NTS: variants seen among roughly 807,000 people sequenced by gnomAD.
NTS encodes neurotensin, also known as neurotensin/neuromedin N.
NTS carries 20 observed loss-of-function variants against 19.5 expected under a neutral mutation model. That is an observed-to-expected ratio of 1.02 (90% confidence interval 0.72 to 1.49). The LOEUF (loss-of-function observed/expected upper bound fraction) is 1.49, where lower values mean the gene tolerates loss of function less well. NTS is among the 40% of genes most tolerant of loss of function. The pLI is 0.00. For synonymous variants in NTS, 71 were observed against 63.3 expected (o/e 1.12, Z -0.58); for missense variants, 215 against 193.1 (o/e 1.11, Z -0.67).
At chr12:85,881,658 A>T (rs1468594432) in intron 3 of NTS, among the ~76,000 whole-genome samples, 4 of 152,126 alleles carry the variant, frequency 2.6e-5, no homozygotes, top group African/African-American at 4.8e-5. Flanking sequence ...CCATATGTTG[A>T]TTTCTACAAC....
chr12:85,882,542 CAAAT>C lies in NTS; in HGVS notation c.*172_*175del, dbSNP rs919924032. ...TAATATAAATTAGACTAAGTGTTTT[CAAAT>C]AAATCTAAATCTTCAGCATGATGTG... On this transcript the variant is annotated 3_prime_UTR_variant, in exon 4 of 4. Coordinates refer to ENST00000256010, the MANE Select transcript of NTS (RefSeq NM_006183.5). 2 of 535,120 alleles carry C rather than the reference CAAAT, an allele frequency of 3.7e-6. No individual in the cohort carries two copies. The highest frequency in any genetic ancestry group is 4.0e-5 in the African/African-American group (2 of 50,382). 33.1% of individuals were successfully genotyped at this position (535,120 alleles called of 1,614,324 possible).
intron 2 of NTS, 27 bp downstream of exon 2, chr12:85,876,728 A>G: frequency 1.6e-6 from 2 of 1,270,216 alleles, no homozygotes; most frequent in Non-Finnish European, 1.1e-6. Context: ...TTTAACCCTG[A>G]GTTGAAGAAC....
At chr12:85,881,047 C>A (rs1050853585) in intron 3 of NTS, among the ~76,000 whole-genome samples, 4 of 152,054 alleles carry the variant, frequency 2.6e-5, no homozygotes, top group African/African-American at 9.7e-5. Flanking sequence ...TCCAAAAAAA[C>A]CTCAGTAAAC....
At chr12:85,877,998 TAATAGA>T (rs1271050701) in intron 2 of NTS, 12 of 158,848 alleles carry the variant, frequency 7.6e-5, no homozygotes, top group Non-Finnish European at 1.6e-4. Flanking sequence ...AGCTGAAATG[TAATAGA>T]GACAGAATAA....
chr12:85,874,467 C>A lies in NTS; in HGVS notation c.64C>A (p.Leu22Met). The stretch of plus-strand genomic sequence containing the variant: ...ACTCCTGGCTTTCAGCTCCTGGAGT[C>A]TGTGCTCAGGTAAGCAAAACAGAAT... ...MLLLAFSSWSLCSDSEEEMKA... is the reference protein window; with the variant it reads ...MLLLAFSSWSMCSDSEEEMKA... The change falls in exon 1 of 4, where the codon CTG becomes ATG. Residue 22 changes from leucine (L) to methionine (M), a missense_variant. Coordinates refer to ENST00000256010, the MANE Select transcript of NTS (RefSeq NM_006183.5). 6.2e-7 allele frequency: 1 copy of A among 1,611,160 alleles called. No homozygotes were observed. Among genetic ancestry groups the A allele is most frequent in the South Asian group, 1.1e-5 (1 of 90,998 alleles).
At chr12:85,874,732 A>T (rs1881299902) in intron 1 of NTS, among the ~76,000 whole-genome samples, 1 of 152,184 alleles carries the variant, frequency 6.6e-6, no homozygotes, top group African/African-American at 2.4e-5. Context: ...GAATTCAACA[A>T]CTAGAGGGAA....
chr12:85,881,543 A>G (rs1384384354), intron 3 of NTS, among the ~76,000 whole-genome samples: 1 of 152,136 alleles, frequency 6.6e-6, no homozygotes, highest in Non-Finnish European at 1.5e-5. Context: ...ATTTTAGGCA[A>G]GATTCTACAT....
At position 85,876,691 on chromosome 12, in the gene NTS, A is replaced by G; in HGVS notation, c.125A>G (p.His42Arg). The change falls in exon 2 of 4, where the codon CAT becomes CGT. Residue 42 changes from histidine to arginine, a missense_variant. Coordinates refer to ENST00000256010, the MANE Select transcript of NTS (RefSeq NM_006183.5). ...ALEADFLTNM[H>R]TSKISKAHVP... ...GAAGCAGATTTCTTGACCAATATGC[A>G]TACATCAAAGGTAACTTTTTCTTTT... 2 of 1,571,974 alleles carry G rather than the reference A, an allele frequency of 1.3e-6. No individual in the cohort carries two copies. The highest frequency in any genetic ancestry group is 1.7e-6 in the Non-Finnish European group (2 of 1,151,916).
At chr12:85,880,388 A>G (rs1412697830) in intron 3 of NTS, among the ~76,000 whole-genome samples, 3 of 152,134 alleles carry the variant, frequency 2.0e-5, no homozygotes, top group South Asian at 2.1e-4. Flanking sequence ...ATTTCTTTCA[A>G]ATTAACCTCT....
chr12:85,876,751 A>G, intron 2 of NTS, 50 bp downstream of exon 2: 4 of 955,000 alleles, frequency 4.2e-6, no homozygotes, highest in East Asian at 5.3e-5. Context: ...ATGAACTTTC[A>G]TTATAAACAT....
At chr12:85,880,748 G>C (rs911290885) in intron 3 of NTS, among the ~76,000 whole-genome samples, 20 of 152,012 alleles carry the variant, frequency 1.3e-4, no homozygotes, top group African/African-American at 3.1e-4. Flanking sequence ...GTCAAGAGAT[G>C]GAGACCATCC....
intron 3 of NTS, among the ~76,000 whole-genome samples, chr12:85,880,214 T>A (rs1027093914): frequency 1.3e-5 from 2 of 152,080 alleles, no homozygotes; most frequent in Non-Finnish European, 2.9e-5. Flanking sequence ...ACTTGCAAAA[T>A]GCTTTACAAT....
Position 85,876,705 on chromosome 12 carries a change from A to G in NTS, c.135+4A>G. On this transcript the variant is annotated splice_donor_region_variant and intron_variant, in intron 2 of 3. Coordinates refer to ENST00000256010, the MANE Select transcript of NTS (RefSeq NM_006183.5). Reference sequence around the variant, plus strand: ...GACCAATATGCATACATCAAAGGTAACTTTTTCTTTTCTTTAACCCTGAGT... The same window carrying G: ...GACCAATATGCATACATCAAAGGTAGCTTTTTCTTTTCTTTAACCCTGAGT... 6.5e-7 allele frequency: 1 copy of G among 1,535,400 alleles called. No individual in the cohort carries two copies.
chr12:85,875,827 G>T (rs916449582), intron 1 of NTS, among the ~76,000 whole-genome samples: 1 of 151,910 alleles, frequency 6.6e-6, no homozygotes, highest in East Asian at 1.9e-4. Context: ...AAGCCAATGG[G>T]TTCTCCAATT....
intron 3 of NTS, among the ~76,000 whole-genome samples, chr12:85,879,667 T>A (rs1881452998): frequency 7.4e-6 from 1 of 135,302 alleles, no homozygotes; most frequent in Admixed American, 7.4e-5. Context: ...TTTTTGTATA[T>A]TTTATGTATA....
chr12:85,874,546 T>G (rs2136588159), intron 1 of NTS, 70 bp downstream of exon 1: 1 of 1,024,306 alleles, frequency 9.8e-7, no homozygotes, highest in Non-Finnish European at 1.5e-6. Context: ...TGTTGCTACT[T>G]ATGTTAATGT....
Position 85,876,585 on chromosome 12 carries a change from A to G in NTS, c.74-55A>G, listed in dbSNP as rs112310932. Reference sequence around the variant, plus strand: ...TAGATTAACCTAAAATCTGTAGATTATGATATAATTATATGATATGTAATT... The same window carrying G: ...TAGATTAACCTAAAATCTGTAGATTGTGATATAATTATATGATATGTAATT... On this transcript the variant is annotated intron_variant, in intron 1 of 3. Coordinates refer to ENST00000256010, the MANE Select transcript of NTS (RefSeq NM_006183.5). 78 of 1,024,402 alleles carry G rather than the reference A, an allele frequency of 7.6e-5. No individual in the cohort carries two copies. In the African/African-American group the frequency reaches 1.1e-3, roughly 14 times the overall value. The allele number at this position is 1,024,402 out of a possible 1,614,324, so 63.5% of individuals were successfully genotyped here. A position where few individuals can be genotyped will look rare whatever the true frequency, so the allele number is the denominator to read the frequency against.
intron 2 of NTS, 132 bp downstream of exon 2, chr12:85,876,833 A>C: frequency 2.3e-6 from 1 of 438,370 alleles, no homozygotes; most frequent in East Asian, 3.5e-5. Context: ...TCCTTTTTGA[A>C]AAAAAAAATT....
chr12:85,874,805 G>A (rs978754503), intron 1 of NTS, among the ~76,000 whole-genome samples: 1 of 152,192 alleles, frequency 6.6e-6, no homozygotes, highest in Admixed American at 6.5e-5. Context: ...AGAGGCAGTG[G>A]CTGTCAACCT....
Sources: allele counts gnomAD v4.1 joint callset (sites outside exome capture counted in the v4.1 genomes callset), GRCh38; gene constraint gnomAD v4.1.1; transcripts MANE v1.5; gene names NCBI Gene and HGNC (gene_info 2026-07-23, HGNC 2026-07-21).